The following DPYD variants were observed in gnomAD, a reference collection of about 807,000 sequenced individuals.
The protein encoded by DPYD is dihydropyrimidine dehydrogenase [NADP(+)].
DPYD carries 109 observed loss-of-function variants against 116.2 expected under a neutral mutation model. That is an observed-to-expected ratio of 0.94 (90% CI 0.80 to 1.10). DPYD has a LOEUF of 1.10. DPYD is among the 50% of genes least tolerant of loss of function. The pLI is 0.00. For missense variants in DPYD, 1,302 were observed against 1,254.5 expected (o/e 1.04, Z -0.57); for synonymous variants, 440 against 432.0 (o/e 1.02, Z -0.23).
At chr1:97,538,238 A>G (rs1278662176) in intron 12 of DPYD, among the ~76,000 whole-genome samples, 2 of 152,144 alleles carry the variant, frequency 1.3e-5, no homozygotes, top group African/African-American at 4.8e-5. Flanking sequence ...ATATCTAGCA[A>G]TGACTGGACT....
At chr1:97,723,093 T>C (rs1663012843) in intron 4 of DPYD, among the ~76,000 whole-genome samples, 1 of 151,656 alleles carries the variant, frequency 6.6e-6, no homozygotes, top group African/African-American at 2.4e-5. Flanking sequence ...ATCAAACTGA[T>C]ATTTTAGAAG....
At position 97,193,056 on chromosome 1, in the gene DPYD, T is replaced by G; in HGVS notation, c.2622+13A>C. On this transcript the variant is annotated intron_variant, in intron 20 of 22. Coordinates refer to ENST00000370192, the MANE Select transcript of DPYD (RefSeq NM_000110.4). ...GAGTTCTCAAGAATAACACAGGAGATTTAAGCACATACCTTGTCCATGAGT... is the reference window on the plus strand; with the variant it reads ...GAGTTCTCAAGAATAACACAGGAGAGTTAAGCACATACCTTGTCCATGAGT... 1.2e-6 allele frequency: 2 copies of G among 1,613,636 alleles called. No homozygotes were observed. Among genetic ancestry groups the G allele is most frequent in the Non-Finnish European group, 1.7e-6 (2 of 1,179,696 alleles).
chr1:97,323,602 G>A (rs1668524257), intron 16 of DPYD, among the ~76,000 whole-genome samples: 1 of 76,006 alleles, frequency 1.3e-5, no homozygotes, highest in African/African-American at 4.4e-5. Flanking sequence ...ACATATATGT[G>A]TATATATACA....
intron 4 of DPYD, among the ~76,000 whole-genome samples, chr1:97,724,537 G>A (rs913546449): frequency 3.3e-5 from 5 of 151,454 alleles, no homozygotes; most frequent in African/African-American, 7.3e-5. Flanking sequence ...CCAAGAGTAG[G>A]GGAGAAAGCC....
intron 3 of DPYD, among the ~76,000 whole-genome samples, chr1:97,812,965 A>T (rs781647906): frequency 1.3e-5 from 2 of 152,130 alleles, no homozygotes; most frequent in Non-Finnish European, 2.9e-5. Context: ...TCAGATGAAC[A>T]GATTATAATC....
intron 21 of DPYD, among the ~76,000 whole-genome samples, chr1:97,091,189 G>A (rs1375715820): frequency 6.6e-6 from 1 of 152,134 alleles, no homozygotes; most frequent in African/African-American, 2.4e-5. Flanking sequence ...GGGGAATAAT[G>A]TGCTGTGGAA....
At chr1:97,139,904 C>CT (rs1457342001) in intron 20 of DPYD, among the ~76,000 whole-genome samples, 2 of 152,142 alleles carry the variant, frequency 1.3e-5, no homozygotes, top group Admixed American at 1.3e-4. Flanking sequence ...AGAAAAAGTG[C>CT]TGTAATTTTC....
intron 12 of DPYD, among the ~76,000 whole-genome samples, chr1:97,537,380 G>A (rs932338619): frequency 6.6e-6 from 1 of 152,060 alleles, no homozygotes; most frequent in African/African-American, 2.4e-5. Context: ...TTAAAATGCT[G>A]TCATCTTATA....
In DPYD at chr1:97,674,245, T is replaced by TG. The variant is rs1386614215; in HGVS notation, c.850+4849dup. On this transcript the variant is annotated intron_variant, in intron 8 of 22. Transcript: ENST00000370192. ...TTTGGGTGGACACAAGTAAAGCACT[T>TG]GGTGTTGAAAAAGACTATTCATCTC... 6.6e-5 allele frequency among the ~76,000 whole-genome samples: 10 copies of TG among 152,310 alleles called. No homozygotes were observed. In the East Asian group the frequency reaches 1.9e-3, roughly 29 times the overall value.
intron 14 of DPYD, among the ~76,000 whole-genome samples, chr1:97,414,392 C>A (rs887712143): frequency 6.6e-6 from 1 of 152,124 alleles, no homozygotes; most frequent in African/African-American, 2.4e-5. Flanking sequence ...GGGATATTAT[C>A]CCTATCTTAT....
intron 13 of DPYD, among the ~76,000 whole-genome samples, chr1:97,479,992 T>C (rs1678207731): frequency 6.6e-6 from 1 of 152,152 alleles, no homozygotes; most frequent in South Asian, 2.1e-4. Flanking sequence ...TCTGGGAAAC[T>C]TTTTTTCCCT....
intron 6 of DPYD, among the ~76,000 whole-genome samples, chr1:97,692,738 T>A (rs1034380142): frequency 6.6e-6 from 1 of 152,150 alleles, no homozygotes; most frequent in African/African-American, 2.4e-5. Flanking sequence ...CAAAAGATAA[T>A]TACATTTAGA....
rs185170464 is a variant in DPYD at position 97,513,179 on chromosome 1, A to T, written c.1740+2547T>A. On this transcript the variant is annotated intron_variant, in intron 13 of 22. Transcript: ENST00000370192. ...GCATCTACAAATGTCAAGAGTATAA[A>T]ATATATATATATATACAGGATGAAA... Among the ~76,000 whole-genome samples the T allele has an allele frequency of 4.7e-3, 708 of 150,226 alleles. 4 individuals are homozygous for T. The highest frequency in any genetic ancestry group is 0.016 in the African/African-American group (656 of 41,116).
chr1:97,739,295 T>C (rs2101067531), intron 4 of DPYD, among the ~76,000 whole-genome samples: 1 of 152,218 alleles, frequency 6.6e-6, no homozygotes, highest in East Asian at 1.9e-4. Flanking sequence ...CATAAAAATA[T>C]TATTCAGTTT....
chr1:97,856,202 A>AGAGG (rs1670833782), intron 2 of DPYD: 1 of 152,232 alleles, frequency 6.6e-6, no homozygotes, highest in East Asian at 1.9e-4. Flanking sequence ...AGGAAAACGC[A>AGAGG]CACAGAAAGG....
At chr1:97,107,191 G>C (rs141590194) in intron 20 of DPYD, among the ~76,000 whole-genome samples, 2 of 151,986 alleles carry the variant, frequency 1.3e-5, no homozygotes, top group Non-Finnish European at 1.5e-5. Flanking sequence ...CCACCTCTTT[G>C]TTGGTCATCT....
At chr1:97,714,650 A>C (rs894212752) in intron 5 of DPYD, among the ~76,000 whole-genome samples, 9 of 149,324 alleles carry the variant, frequency 6.0e-5, no homozygotes, top group Non-Finnish European at 4.5e-5. Flanking sequence ...TTAAAAAAGA[A>C]AAGACAAAAA....
intron 15 of DPYD, among the ~76,000 whole-genome samples, chr1:97,381,926 T>C (rs1671995731): frequency 6.6e-6 from 1 of 152,232 alleles, no homozygotes; most frequent in Admixed American, 6.5e-5. Flanking sequence ...CTTTTATGCA[T>C]GTCTGTATTC....
intron 20 of DPYD, among the ~76,000 whole-genome samples, chr1:97,118,292 T>C (rs1182505968): frequency 6.6e-6 from 1 of 152,080 alleles, no homozygotes; most frequent in Non-Finnish European, 1.5e-5. Context: ...CTCTTGATAA[T>C]CTTCAGATTT....
Sources: allele counts gnomAD v4.1 joint callset (sites outside exome capture counted in the v4.1 genomes callset), GRCh38; gene constraint gnomAD v4.1.1; transcripts MANE v1.5; gene names NCBI Gene and HGNC (gene_info 2026-07-23, HGNC 2026-07-21).